The following FGF13 variants were observed in gnomAD, a reference collection of about 807,000 sequenced individuals.
FGF13 encodes fibroblast growth factor homologous factor 2.
In FGF13, 2 loss-of-function variants were observed where a neutral mutation model predicts 19.5. The ratio of observed to expected loss-of-function variants is 0.10; its 90% CI spans 0.04 to 0.32. The LOEUF (loss-of-function observed/expected upper bound fraction) is 0.32. Among genes scored for constraint, FGF13 ranks in the 10% least tolerant of loss-of-function variants. The pLI is 1.00. For synonymous variants in FGF13, 72 were observed against 76.9 expected, an observed-to-expected ratio of 0.94 and a Z score of 0.33; for missense variants, 113 against 192.7, an observed-to-expected ratio of 0.59 and a Z score of 2.45.
chrX:138,736,656 T>C (rs1409058005), intron 1 of FGF13, among the ~76,000 whole-genome samples: 1 of 110,554 alleles, frequency 9.0e-6, no homozygotes, highest in African/African-American at 3.3e-5. Context: ...TTAGTAAACA[T>C]ATTGTTTCCT....
intron 3 of FGF13, among the ~76,000 whole-genome samples, chrX:138,642,227 G>C (rs1201738938): frequency 1.1e-5 from 1 of 92,052 alleles, no homozygotes; most frequent in African/African-American, 4.0e-5. Flanking sequence ...AGGGAGGGAA[G>C]CAGGGAGGGA....
intron 1 of FGF13, among the ~76,000 whole-genome samples, chrX:138,973,501 G>A (rs747531564): frequency 1.8e-5 from 2 of 112,188 alleles, no homozygotes; most frequent in East Asian, 2.8e-4. Context: ...GTAAATGTCT[G>A]TTAGGTCCAT....
intron 1 of FGF13, among the ~76,000 whole-genome samples, chrX:138,956,625 G>A (rs1352336588): frequency 4.5e-5 from 5 of 111,030 alleles, no homozygotes; most frequent in Non-Finnish European, 9.4e-5. Context: ...ACAGGAATTA[G>A]ACCTAGATCA....
intron 1 of FGF13, among the ~76,000 whole-genome samples, chrX:139,135,926 T>TA (rs900232247): frequency 5.4e-5 from 6 of 111,449 alleles, no homozygotes; most frequent in Admixed American, 9.5e-5. Flanking sequence ...TAAATAATGC[T>TA]AAAAAAAAGA....
chrX:139,199,500 A>C (rs942959404), intron 1 of FGF13, among the ~76,000 whole-genome samples: 1 of 112,450 alleles, frequency 8.9e-6, no homozygotes, highest in African/African-American at 3.2e-5. Flanking sequence ...TGGACATAAA[A>C]CAGCACAGCT....
intron 1 of FGF13, among the ~76,000 whole-genome samples, chrX:139,078,862 C>G (rs1331862442): frequency 8.9e-6 from 1 of 112,757 alleles, no homozygotes; most frequent in South Asian, 3.6e-4. Flanking sequence ...GTGAAAGAAT[C>G]TTTTTAGTCT....
At chrX:138,815,628 G>A (rs2090956513) in intron 3 of FGF13, among the ~76,000 whole-genome samples, 1 of 110,536 alleles carries the variant, frequency 9.0e-6, no homozygotes. Flanking sequence ...CTTTAGAGAA[G>A]ATGGAGTTTT....
intron 1 of FGF13, among the ~76,000 whole-genome samples, chrX:139,122,832 A>T (rs1057036668): frequency 1.8e-5 from 2 of 111,087 alleles, no homozygotes; most frequent in Non-Finnish European, 3.8e-5. Flanking sequence ...AATCTTGCAA[A>T]CTCTATCATC....
At chrX:138,993,711 A>G (rs776390035) in intron 1 of FGF13, among the ~76,000 whole-genome samples, 1 of 112,080 alleles carries the variant, frequency 8.9e-6, no homozygotes, top group Non-Finnish European at 1.9e-5. Flanking sequence ...CATGATAGCT[A>G]TATGATCTTA....
chrX:138,781,809 G>A lies in FGF13; in HGVS notation c.218-72881C>T, dbSNP rs750762861. Among the ~76,000 whole-genome samples the A allele has an allele frequency of 2.9e-4, 32 of 111,784 alleles. 1 individual carries two copies. The highest frequency in any genetic ancestry group is 7.6e-4 in the Admixed American group (8 of 10,555). The stretch of plus-strand genomic sequence containing the variant: ...GGGAATCCTCCCTAACTCATTTTAC[G>A]AGGCCAGCATCACTCTGATACCAAA... On this transcript the variant is annotated intron_variant, in intron 3 of 6. Transcript: ENST00000436198.
At chrX:138,708,541 T>G (rs1260888903) in intron 2 of FGF13, among the ~76,000 whole-genome samples, 1 of 111,959 alleles carries the variant, frequency 8.9e-6, no homozygotes, top group Non-Finnish European at 1.9e-5. Context: ...AAAAAAGTAA[T>G]AAAATCCAAA....
chrX:139,185,691 T>A (rs2084277263), intron 1 of FGF13, among the ~76,000 whole-genome samples: 2 of 111,577 alleles, frequency 1.8e-5, no homozygotes, highest in Admixed American at 9.5e-5. Flanking sequence ...CCACCTCCAA[T>A]GACAAACATC....
chrX:138,984,822 G>GTGTGTGTC (rs775728628), intron 1 of FGF13, among the ~76,000 whole-genome samples: 1 of 108,201 alleles, frequency 9.2e-6, no homozygotes, highest in East Asian at 2.9e-4. Context: ...TTCTGTGTGT[G>GTGTGTGTC]TGTGTGTGTG....
rs757879788 is a variant in FGF13 at position 139,033,018 on chromosome X, C to T, written c.-112-168368G>A. Among the ~76,000 whole-genome samples the T allele has an allele frequency of 6.0e-3, 367 of 60,866 alleles. 4 individuals carry two copies. The highest frequency in any genetic ancestry group is 0.023 in the African/African-American group (348 of 15,216). The allele number at this position is 60,866 out of a possible 115,157, so 52.9% of individuals were successfully genotyped here. On this transcript the variant is annotated intron_variant, in intron 1 of 2. Transcript: ENST00000421460. ...AATTAGAAGACCAAAGTCAGAATAT[C>T]TGATTATCCAAAAAAAAAAAAAAAA... is the stretch of plus-strand genomic sequence containing the variant.
At chrX:138,861,173 G>T (rs1385800723) in intron 2 of FGF13, among the ~76,000 whole-genome samples, 1 of 112,372 alleles carries the variant, frequency 8.9e-6, no homozygotes, top group Admixed American at 9.4e-5. Context: ...TTCTGCCATT[G>T]TCAAGGTTAA....
intron 3 of FGF13, among the ~76,000 whole-genome samples, chrX:138,800,390 T>C (rs2090818596): frequency 8.9e-6 from 1 of 111,753 alleles, no homozygotes; most frequent in Non-Finnish European, 1.9e-5. Flanking sequence ...TTAACAATGT[T>C]GAATATTGGA....
chrX:139,042,476 T>C (rs959330539), intron 1 of FGF13, among the ~76,000 whole-genome samples: 2 of 112,152 alleles, frequency 1.8e-5, no homozygotes, highest in Admixed American at 9.4e-5. Flanking sequence ...ATTCATGTTT[T>C]ACATGATGAT....
rs1335017337 is a variant in FGF13 at position 138,810,327 on chromosome X, A to G, written c.217+47185T>C. 6.3e-5 allele frequency among the ~76,000 whole-genome samples: 7 copies of G among 111,856 alleles called. No individual in the cohort carries two copies. In the South Asian group the frequency reaches 2.6e-3, roughly 42 times the overall value. On this transcript the variant is annotated intron_variant, in intron 3 of 6. Coordinates refer to the FGF13 transcript ENST00000436198. ...CATCTGATCTTTGACAAACCTGAGA[A>G]AAACAAGCAATGGGGAAAGGATTCC...
chrX:139,111,972 G>A (rs1056423255), intron 1 of FGF13, among the ~76,000 whole-genome samples: 2 of 112,065 alleles, frequency 1.8e-5, no homozygotes, highest in African/African-American at 3.2e-5. Context: ...GGGTAGTGAT[G>A]TGGCAGAAAC....
Sources: gnomAD v4.1 joint callset for allele counts (sites outside exome capture counted in the v4.1 genomes callset) on GRCh38, gnomAD v4.1.1 for gene constraint, MANE v1.5 for transcripts, NCBI Gene and HGNC (gene_info 2026-07-23, HGNC 2026-07-21) for gene names.